Variants in KRT10 observed in about 807,000 individuals in gnomAD.
KRT10 encodes keratin 10.
A neutral mutation model predicts 59.2 loss-of-function variants in KRT10; 40 were observed. That is an observed-to-expected ratio of 0.68 (90% CI 0.52 to 0.88). The LOEUF is 0.88. Ranked by LOEUF, KRT10 falls within the 40% of genes least tolerant of loss-of-function variation. The pLI, the probability that KRT10 is intolerant of heterozygous loss-of-function variation, is 0.00. For synonymous variants in KRT10, 336 were observed against 310.7 expected (o/e 1.08, Z -0.86); for missense variants, 719 against 749.1 (o/e 0.96, Z 0.47).
intron 1 of KRT10, 112 bp downstream of exon 1, chr17:40,821,846 AG>A (rs1190353002): frequency 8.8e-7 from 1 of 1,139,498 alleles, no homozygotes; most frequent in African/African-American, 1.5e-5. Flanking sequence ...TTTTGAAGGA[AG>A]AAAGTAACAT....
At chr17:40,819,375 G>A in intron 6 of KRT10, 142 bp downstream of exon 6, 1 of 1,254,740 alleles carries the variant, frequency 8.0e-7, no homozygotes, top group South Asian at 1.3e-5. Context: ...GTGAGATTGC[G>A]GTTGCGTACT....
chr17:40,822,320 T>C lies in KRT10; in HGVS notation c.266A>G (p.Tyr89Cys). The C allele has an allele frequency of 6.3e-7, 1 of 1,594,732 alleles. No homozygotes were observed. The highest frequency in any genetic ancestry group is 8.5e-7 in the Non-Finnish European group (1 of 1,169,670). ...ACTCCCACCAAAGCTGCTACTTCCA[T>C]AGCTTCCACGAAAGCTACCTCCACC... Reference protein sequence around the residue: ...GFGGGSFRGSYGSSSFGGSYG... With the variant: ...GFGGGSFRGSCGSSSFGGSYG... Residue 89 changes from tyrosine to cysteine, a missense_variant, in exon 1 of 8, where the codon TAT becomes TGT. Physicochemically the swap from Tyr to Cys is radical, Grantham distance 194. This residue lies in a region of KRT10 where 176 missense variants were observed against 175.7 expected (regional missense o/e 1.00). Coordinates refer to ENST00000269576, the MANE Select transcript of KRT10 (RefSeq NM_000421.5).
At chr17:40,821,270 A>G (rs946888728) in intron 1 of KRT10, among the ~76,000 whole-genome samples, 153 bp from the exon 2 acceptor site, 1 of 152,238 alleles carries the variant, frequency 6.6e-6, no homozygotes, top group Non-Finnish European at 1.5e-5. Flanking sequence ...GCTTACCCAT[A>G]TACTTAACTT....
At chr17:40,819,810 A>AAGGCATTAT (rs1905264164) in intron 5 of KRT10, 76 bp from the exon 6 acceptor site, 1 of 1,274,968 alleles carries the variant, frequency 7.8e-7, no homozygotes, top group African/African-American at 1.5e-5. Flanking sequence ...ATTATTTAGT[A>AAGGCATTAT]AGGCATTATA....
In KRT10 at chr17:40,818,487, G is replaced by A. The variant is rs758141506; in HGVS notation, c.1749-5C>T. The A allele has an allele frequency of 2.5e-6, 4 of 1,586,998 alleles. No homozygotes were observed. The highest frequency in any genetic ancestry group is 3.5e-6 in the Non-Finnish European group (4 of 1,155,576). On this transcript the variant is annotated splice_region_variant and splice_polypyrimidine_tract_variant and intron_variant, in intron 7 of 7. Coordinates refer to ENST00000269576, the MANE Select transcript of KRT10 (RefSeq NM_000421.5). ...TTACTCTGGTTTTGTTAGTATCTGT[G>A]TGAATGATGGAAAAAAAATTTTAAA...
intron 6 of KRT10, 28 bp from the exon 7 acceptor site, chr17:40,819,189 A>T: frequency 6.3e-7 from 1 of 1,594,658 alleles, no homozygotes; most frequent in Non-Finnish European, 8.5e-7. Flanking sequence ...ACATTCGGTT[A>T]TCTCTAACGT....
At chr17:40,819,408 T>C in intron 6 of KRT10, 109 bp downstream of exon 6, 3 of 1,291,878 alleles carry the variant, frequency 2.3e-6, no homozygotes, top group Non-Finnish European at 2.2e-6. Context: ...CTCTACCCTC[T>C]CTCCTCCCTT....
At chr17:40,821,202 TG>T (rs2143145534) in intron 1 of KRT10, 85 bp from the exon 2 acceptor site, 1 of 979,602 alleles carries the variant, frequency 1.0e-6, no homozygotes, top group East Asian at 2.4e-5. Flanking sequence ...TGCACTTTTA[TG>T]TTGTTCTCTT....
chr17:40,819,986 T>C, intron 5 of KRT10, 63 bp downstream of exon 5: 1 of 1,593,932 alleles, frequency 6.3e-7, no homozygotes, highest in Non-Finnish European at 8.6e-7. Flanking sequence ...GCATTGCATA[T>C]TCTTAGGTGA....
At position 40,818,918 on chromosome 17, in the gene KRT10, G is replaced by A. The variant is rs529995365; in HGVS notation, c.1617C>T (p.Gly539=). 8.1e-4 allele frequency: 1,127 copies of A among 1,398,036 alleles called. 2 individuals carry two copies. The highest frequency in any genetic ancestry group is 9.9e-4 in the Non-Finnish European group (1,054 of 1,069,442). 86.6% of individuals were successfully genotyped at this position (1,398,036 alleles called of 1,614,324 possible). The change falls in exon 7 of 8, where the codon GGC becomes GGT. Residue 539 remains glycine, a synonymous_variant. Transcript: ENST00000269576. ...CGGAGCTGCCGCCCCCGTAGCCGCCGCCGCCGCCGCCGGAACTGCCACCAC... is the reference window on the plus strand; with the variant it reads ...CGGAGCTGCCGCCCCCGTAGCCGCCACCGCCGCCGCCGGAACTGCCACCAC... ...GYGGGSSGGG[G]GGYGGGSSGG...
intron 7 of KRT10, 124 bp from the exon 8 acceptor site, chr17:40,818,606 G>A (rs1905156017): frequency 4.7e-6 from 6 of 1,265,872 alleles, no homozygotes; most frequent in Non-Finnish European, 6.8e-6. Context: ...AATGCTTAAG[G>A]TATGACATTT....
intron 6 of KRT10, 121 bp downstream of exon 6, chr17:40,819,396 T>C: frequency 7.9e-7 from 1 of 1,272,662 alleles, no homozygotes; most frequent in African/African-American, 1.5e-5. Context: ...CCTTTTTCTG[T>C]ACTCTACCCT....
At chr17:40,818,524 G>T in intron 7 of KRT10, 42 bp from the exon 8 acceptor site, 1 of 1,347,386 alleles carries the variant, frequency 7.4e-7, no homozygotes, top group Non-Finnish European at 1.1e-6. Context: ...AGTCTGTAGG[G>T]ATCCTTAGTA....
Position 40,821,090 on chromosome 17 carries a change from T to C in KRT10, c.655A>G (p.Asn219Asp). The C allele has an allele frequency of 6.2e-7, 1 of 1,614,054 alleles. No homozygotes were observed. Among genetic ancestry groups the C allele is most frequent in the Non-Finnish European group, 8.5e-7 (1 of 1,179,898 alleles). Reference protein sequence around the residue: ...QILNLTTDNANILLQIDNARL... With the variant: ...QILNLTTDNADILLQIDNARL... The stretch of plus-strand genomic sequence containing the variant: ...GCATTGTCGATCTGAAGCAGGATGT[T>C]GGCATTATCAGTTGTTAGGTTGAGA... The change falls in exon 2 of 8, where the codon AAC becomes GAC. Residue 219 changes from asparagine to aspartate, a missense_variant. Asn to Asp is a conservative substitution (Grantham distance 23). This residue lies in a region of KRT10 where 221 missense variants were observed against 277.8 expected (regional missense o/e 0.80). Coordinates refer to ENST00000269576, the MANE Select transcript of KRT10 (RefSeq NM_000421.5).
chr17:40,821,927 T>G (rs1363641336), intron 1 of KRT10, 32 bp downstream of exon 1: 4 of 1,608,566 alleles, frequency 2.5e-6, no homozygotes, highest in Non-Finnish European at 3.4e-6. Context: ...ATGGACAAGA[T>G]ACTTAAAGCT....
rs368733857 is a variant in KRT10, at chr17:40,818,903, G to T, written c.1632C>A (p.Gly544=). The T allele has an allele frequency of 5.9e-3, 8,401 of 1,412,036 alleles. 123 individuals are homozygous for T. Among genetic ancestry groups the T allele is most frequent in the Non-Finnish European group, 6.1e-3 (6,594 of 1,074,290 alleles). 87.5% of individuals were successfully genotyped at this position (1,412,036 alleles called of 1,614,324 possible). Residue 544 remains glycine, a synonymous_variant, in exon 7 of 8, where the codon GGC becomes GGA. Transcript: ENST00000269576. ...AGCTGCTGCCGCCGCCGGAGCTGCCGCCCCCGTAGCCGCCGCCGCCGCCGC... is the reference window on the plus strand; with the variant it reads ...AGCTGCTGCCGCCGCCGGAGCTGCCTCCCCCGTAGCCGCCGCCGCCGCCGC... ...SSGGGGGGYG[G]GSSGGGSSSG...
intron 6 of KRT10, 110 bp downstream of exon 6, chr17:40,819,407 C>G: frequency 7.7e-7 from 1 of 1,292,442 alleles, no homozygotes; most frequent in Non-Finnish European, 1.1e-6. Flanking sequence ...ACTCTACCCT[C>G]TCTCCTCCCT....
In KRT10 at chr17:40,819,697, C is replaced by T. The variant is rs1176431885; in HGVS notation, c.1193G>A (p.Gly398Asp). Reference protein sequence around the residue: ...SLEASLAETEGRYCVQLSQIQ... With the variant: ...SLEASLAETEDRYCVQLSQIQ... ...CTGTGAGAGCTGCACACAGTAGCGA[C>T]CTTCTGTTTCTGCCAAGGAGGCTTC... Residue 398 changes from glycine to aspartate, a missense_variant, in exon 6 of 8, where the codon GGT becomes GAT. Coordinates refer to ENST00000269576, the MANE Select transcript of KRT10 (RefSeq NM_000421.5). 3 of 1,614,188 alleles carry T rather than the reference C, an allele frequency of 1.9e-6. No homozygotes were observed. Among genetic ancestry groups the T allele is most frequent in the South Asian group, 2.2e-5 (2 of 91,082 alleles).
chr17:40,820,619 G>A lies in KRT10; in HGVS notation c.759C>T (p.Asn253=), dbSNP rs746058184. ...GCTCATCCAGCACCCTACGCAGGCCGTTGATGTCAGCCTCCACGCTCTGGC... is the reference window on the plus strand; with the variant it reads ...GCTCATCCAGCACCCTACGCAGGCCATTGATGTCAGCCTCCACGCTCTGGC... ...ALRQSVEADI[N]GLRRVLDELT... is the part of the protein sequence containing the mutation. The change falls in exon 3 of 8, where the codon AAC becomes AAT. Residue 253 remains asparagine (N), a synonymous_variant. Coordinates refer to ENST00000269576, the MANE Select transcript of KRT10 (RefSeq NM_000421.5). 2.5e-5 allele frequency: 40 copies of A among 1,614,084 alleles called. No individual in the cohort carries two copies. The Middle Eastern group carries it at 6.6e-4, about 27-fold the overall frequency.
Sources: allele counts gnomAD v4.1 joint callset (sites outside exome capture counted in the v4.1 genomes callset), GRCh38; gene constraint gnomAD v4.1.1; regional missense constraint gnomAD v4.1.1; transcripts MANE v1.5; gene names NCBI Gene and HGNC (gene_info 2026-07-23, HGNC 2026-07-21).